The following SLC44A5 variants were observed in gnomAD, a reference collection of about 807,000 sequenced individuals.
SLC44A5 encodes the protein solute carrier family 44 member 5, also known as choline transporter-like protein 5.
SLC44A5 carries 57 observed loss-of-function variants against 101.8 expected under a neutral mutation model. That is an observed-to-expected ratio of 0.56 (90% CI 0.45 to 0.70). The LOEUF (loss-of-function observed/expected upper bound fraction) is 0.70. Among genes scored for constraint, SLC44A5 ranks in the 30% least tolerant of loss-of-function variants. SLC44A5 has a pLI of 0.00. For synonymous variants in SLC44A5, 281 were observed against 290.9 expected (o/e 0.97, Z 0.35); for missense variants, 737 against 853.1 (o/e 0.86, Z 1.70).
the SLC44A5 span, chr1:75,677,611 T>C: frequency 4.6e-5 from 14 of 302,496 alleles, no homozygotes; most frequent in African/African-American, 3.3e-4. Flanking sequence ...AATAACAAAA[T>C]GGTAGGAGTA....
upstream of SLC44A5, among the ~76,000 whole-genome samples, chr1:75,611,312 G>A (rs1570743355): frequency 6.6e-6 from 1 of 152,262 alleles, no homozygotes; most frequent in South Asian, 2.1e-4. Context: ...TGGCAAAGAA[G>A]TAGGTAGTTT....
intron 3 of SLC44A5, among the ~76,000 whole-genome samples, chr1:75,363,573 T>C (rs6593573): frequency 0.5 from 75,306 of 151,852 alleles, 20,302 homozygotes; most frequent in East Asian, 0.94. Flanking sequence ...ACTCACCTCC[T>C]TATATTTTAT....
chr1:75,332,475 C>T (rs1657127144), intron 4 of SLC44A5, among the ~76,000 whole-genome samples: 1 of 152,068 alleles, frequency 6.6e-6, no homozygotes, highest in South Asian at 2.1e-4. Flanking sequence ...CTATAGTTGT[C>T]CTTTTTTTCT....
intron 2 of SLC44A5, among the ~76,000 whole-genome samples, chr1:75,456,338 T>C (rs1286491292): frequency 6.6e-6 from 1 of 152,106 alleles, no homozygotes; most frequent in South Asian, 2.1e-4. Context: ...CAGTCAACAT[T>C]GGGTACTACT....
chr1:75,670,277 A>T, the SLC44A5 span, among the ~76,000 whole-genome samples: 1 of 152,142 alleles, frequency 6.6e-6, no homozygotes, highest in Non-Finnish European at 1.5e-5. Context: ...CCAATTTAAG[A>T]AGTTATTTGA....
intron 4 of SLC44A5, among the ~76,000 whole-genome samples, chr1:75,322,713 AAAACAAAC>A (rs373119442): frequency 9.9e-5 from 15 of 152,206 alleles, no homozygotes; most frequent in African/African-American, 3.6e-4. Flanking sequence ...TCACTCAGCA[AAAACAAAC>A]AAACAAACAA....
At chr1:75,214,318 G>A (rs986284504) in intron 20 of SLC44A5, among the ~76,000 whole-genome samples, 1 of 151,990 alleles carries the variant, frequency 6.6e-6, no homozygotes, top group Non-Finnish European at 1.5e-5. Context: ...ATTCTGGGAG[G>A]GGGAAAGATG....
chr1:75,454,095 A>T (rs1281480413), intron 2 of SLC44A5, among the ~76,000 whole-genome samples: 3 of 152,196 alleles, frequency 2.0e-5, no homozygotes, highest in Admixed American at 2.0e-4. Context: ...GACACAACGA[A>T]AAAAGAAAAC....
intron 1 of SLC44A5, among the ~76,000 whole-genome samples, chr1:75,568,490 A>G (rs970127004): frequency 3.3e-5 from 5 of 152,182 alleles, no homozygotes; most frequent in African/African-American, 1.2e-4. Flanking sequence ...TACAGGAAAC[A>G]GGCCTTTTTT....
intron 2 of SLC44A5, among the ~76,000 whole-genome samples, chr1:75,440,425 G>T (rs999196677): frequency 2.6e-5 from 4 of 152,100 alleles, no homozygotes; most frequent in African/African-American, 9.7e-5. Context: ...AAGCAAGAAT[G>T]CCAGTGTGGC....
chr1:75,469,980 G>A (rs1396739483), intron 2 of SLC44A5, among the ~76,000 whole-genome samples: 2 of 151,436 alleles, frequency 1.3e-5, no homozygotes, highest in Non-Finnish European at 2.9e-5. Context: ...AAAGGGAGGA[G>A]GGCTTCACGG....
the SLC44A5 span, among the ~76,000 whole-genome samples, chr1:75,645,800 C>A: frequency 1.5e-5 from 2 of 135,762 alleles, no homozygotes; most frequent in Non-Finnish European, 3.3e-5. Context: ...ATCTTGAATT[C>A]ATTTTTGTAT....
intron 6 of SLC44A5, among the ~76,000 whole-genome samples, chr1:75,254,663 A>G (rs573912019): frequency 6.6e-6 from 1 of 152,244 alleles, no homozygotes; most frequent in South Asian, 2.1e-4. Context: ...CGGGATGCAT[A>G]TTGAAGTGTG....
intron 2 of SLC44A5, among the ~76,000 whole-genome samples, chr1:75,445,566 A>ATGTATATATTATATT (rs1288745712): frequency 6.7e-6 from 1 of 148,756 alleles, no homozygotes. Flanking sequence ...TAAATTATAT[A>ATGTATATATTATATT]TATAATCCTT....
chr1:75,390,324 C>G (rs961224129), intron 3 of SLC44A5, among the ~76,000 whole-genome samples: 1 of 150,552 alleles, frequency 6.6e-6, no homozygotes, highest in Non-Finnish European at 1.5e-5. Context: ...CAGCATCATT[C>G]TGATACCAAA....
intron 7 of SLC44A5, among the ~76,000 whole-genome samples, chr1:75,250,750 A>C (rs1043213064): frequency 6.6e-6 from 1 of 152,166 alleles, no homozygotes; most frequent in African/African-American, 2.4e-5. Flanking sequence ...TTAAGTGCTT[A>C]AGCCACCCTT....
At chr1:75,496,238 A>G (rs1160706259) in intron 2 of SLC44A5, among the ~76,000 whole-genome samples, 2 of 152,194 alleles carry the variant, frequency 1.3e-5, no homozygotes, top group East Asian at 1.9e-4. Context: ...ACAAGATGAT[A>G]CTAGTATAAA....
chr1:75,321,442 T>C (rs1237656598), intron 4 of SLC44A5, among the ~76,000 whole-genome samples: 2 of 148,248 alleles, frequency 1.3e-5, no homozygotes, highest in African/African-American at 5.2e-5. Flanking sequence ...TGCTGTATTG[T>C]TATATGGCAG....
rs1001965652 is a variant in SLC44A5 at position 75,576,900 on chromosome 1, C to G, written c.-70+34140G>C. Among the ~76,000 whole-genome samples the G allele has an allele frequency of 2.6e-5, 4 of 152,154 alleles. No homozygotes were observed. The South Asian group carries it at 8.3e-4, about 32-fold the overall frequency. On this transcript the variant is annotated intron_variant, in intron 1 of 23. Transcript: ENST00000370859. ...CAATCAGGACAATACTGGGAATTAC[C>G]TCACAGAGGTGTAGTGAAGATTTAC...
Sources: allele counts gnomAD v4.1 joint callset (sites outside exome capture counted in the v4.1 genomes callset), GRCh38; gene constraint gnomAD v4.1.1; transcripts MANE v1.5; gene names NCBI Gene and HGNC (gene_info 2026-07-23, HGNC 2026-07-21).